The following NSUN2 variants were observed in gnomAD, a reference collection of about 807,000 sequenced individuals.
The protein encoded by NSUN2 is RNA cytosine C(5)-methyltransferase NSUN2.
A neutral mutation model predicts 92.7 loss-of-function variants in NSUN2; 63 were observed. The observed-to-expected ratio is 0.68, with a 90% CI of 0.56 to 0.84. The LOEUF is 0.84. NSUN2 is among the 40% of genes least tolerant of loss of function. The pLI is 0.00. For missense variants in NSUN2, 989 were observed against 964.9 expected (o/e 1.02, Z -0.33); for synonymous variants, 356 against 348.3 (o/e 1.02, Z -0.25).
Position 6,632,408 on chromosome 5 carries a change from A to G in NSUN2, c.254+191T>C, listed in dbSNP as rs1737955950. ...GATCTCATTTTCATTTCGTCTTCTA[A>G]CCTTGCGCCTGCAATACCTCCGTGA... On this transcript the variant is annotated intron_variant, in intron 2 of 18. Transcript: ENST00000264670. Among the ~76,000 whole-genome samples the G allele has an allele frequency of 2.0e-5, 3 of 152,100 alleles. No individual in the cohort carries two copies. The South Asian group carries it at 6.2e-4, about 32-fold the overall frequency.
chr5:6,606,756 T>C (rs1449091986), intron 14 of NSUN2, 64 bp downstream of exon 14: 3 of 907,722 alleles, frequency 3.3e-6, no homozygotes, highest in South Asian at 1.5e-5. Context: ...ATGTGATCAG[T>C]TGTACATTTG....
intron 4 of NSUN2, among the ~76,000 whole-genome samples, chr5:6,624,959 G>A (rs1243525222): frequency 6.6e-6 from 1 of 152,104 alleles, no homozygotes; most frequent in African/African-American, 2.4e-5. Flanking sequence ...AAGGTAAAAA[G>A]CTCAGCACCT....
At chr5:6,621,335 C>T (rs6897386) in intron 6 of NSUN2, 12,397 of 151,884 alleles carry the variant, frequency 0.082, 567 homozygotes, top group African/African-American at 0.12. Context: ...TCATGTAAGG[C>T]AGTAAGTAAT....
intron 3 of NSUN2, 98 bp from the exon 4 acceptor site, chr5:6,625,767 C>G (rs755628028): frequency 1.2e-4 from 93 of 782,748 alleles, no homozygotes; most frequent in Non-Finnish European, 2.0e-4. Flanking sequence ...AATGAGACTT[C>G]GAATGTTGTT....
At chr5:6,605,483 C>T in intron 14 of NSUN2, 75 bp from the exon 15 acceptor site, 1 of 1,499,372 alleles carries the variant, frequency 6.7e-7, no homozygotes, top group African/African-American at 1.4e-5. Flanking sequence ...ATCTTATTCT[C>T]CTCCTCCAGA....
At chr5:6,619,985 C>T in intron 7 of NSUN2, 121 bp downstream of exon 7, 1 of 807,206 alleles carries the variant, frequency 1.2e-6, no homozygotes, top group Non-Finnish European at 1.9e-6. Context: ...CTCACGCTAT[C>T]TTTCTCCGCA....
At chr5:6,613,908 C>T (rs1262593747) in intron 9 of NSUN2, among the ~76,000 whole-genome samples, 2 of 151,934 alleles carry the variant, frequency 1.3e-5, no homozygotes, top group South Asian at 2.1e-4. Context: ...ACCAGCCTGG[C>T]CAACATGGTG....
At chr5:6,613,265 A>T (rs1489286044) in intron 9 of NSUN2, among the ~76,000 whole-genome samples, 1 of 152,278 alleles carries the variant, frequency 6.6e-6, no homozygotes, top group Non-Finnish European at 1.5e-5. Context: ...TAAGATATAC[A>T]CAACACAATC....
chr5:6,620,301 G>A lies in NSUN2; in HGVS notation c.623-3C>T, dbSNP rs1579372506. Reference sequence around the variant, plus strand: ...ATCATTCGCAATAACAAATCCCTCTGAAGGCACAGAATTGCAGTGTCAGGT... The same window carrying A: ...ATCATTCGCAATAACAAATCCCTCTAAAGGCACAGAATTGCAGTGTCAGGT... On this transcript the variant is annotated splice_polypyrimidine_tract_variant and splice_region_variant and intron_variant, in intron 6 of 18. Transcript: ENST00000264670. 6.3e-7 allele frequency: 1 copy of A among 1,575,912 alleles called. No homozygotes were observed. Among genetic ancestry groups the A allele is most frequent in the Non-Finnish European group, 8.6e-7 (1 of 1,160,898 alleles).
intron 16 of NSUN2, 150 bp from the exon 17 acceptor site, chr5:6,604,426 C>T (rs866236839): frequency 1.2e-5 from 11 of 930,006 alleles, no homozygotes; most frequent in Non-Finnish European, 1.6e-5. Flanking sequence ...ACCCACCCCC[C>T]CCTAGGAGGG....
At chr5:6,628,791 C>T (rs920225037) in intron 3 of NSUN2, among the ~76,000 whole-genome samples, 2 of 152,154 alleles carry the variant, frequency 1.3e-5, no homozygotes, top group African/African-American at 4.8e-5. Context: ...GTCTGTAATC[C>T]CAGCACTTTG....
At chr5:6,602,166 G>A (rs1179249483) in intron 18 of NSUN2, among the ~76,000 whole-genome samples, 2 of 152,042 alleles carry the variant, frequency 1.3e-5, no homozygotes, top group African/African-American at 4.8e-5. Context: ...CACTTACTCT[G>A]TACAAGACAG....
chr5:6,607,012 G>T, intron 13 of NSUN2, 100 bp from the exon 14 acceptor site: 1 of 957,634 alleles, frequency 1.0e-6, no homozygotes, highest in Non-Finnish European at 1.6e-6. Context: ...GTGCAACATG[G>T]AACGGTTTGC....
chr5:6,628,474 G>T (rs940336113), intron 3 of NSUN2, among the ~76,000 whole-genome samples: 2 of 152,194 alleles, frequency 1.3e-5, no homozygotes, highest in East Asian at 3.8e-4. Context: ...TCTATGGAAA[G>T]TAAGAAAAAA....
In NSUN2 at chr5:6,610,970, A is replaced by G. The variant is rs1255312970; in HGVS notation, c.1211T>C (p.Met404Thr). 7 of 1,614,104 alleles carry G rather than the reference A, an allele frequency of 4.3e-6. No individual in the cohort carries two copies. Among genetic ancestry groups the G allele is most frequent in the Non-Finnish European group, 5.9e-6 (7 of 1,179,998 alleles). Residue 404 changes from methionine to threonine, a missense_variant, in exon 11 of 19, where the codon ATG becomes ACG. By Grantham distance (81) the Met-to-Thr change is moderately conservative. This residue lies in a region of NSUN2 where 626 missense variants were observed against 602.3 expected (regional missense o/e 1.04). Coordinates refer to ENST00000264670, the MANE Select transcript of NSUN2 (RefSeq NM_017755.6). ...ACCAGCTCACCATCGCTCCAGGTGC[A>G]TGGCCTGCAGCTTTTCTGGGTCCTT... ...PPKDPEKLQAMHLERCLRILP... is the reference protein window; with the variant it reads ...PPKDPEKLQATHLERCLRILP...
chr5:6,606,353 G>A (rs998068435), intron 14 of NSUN2, among the ~76,000 whole-genome samples: 5 of 152,002 alleles, frequency 3.3e-5, no homozygotes, highest in South Asian at 2.1e-4. Flanking sequence ...GCGCGATCTC[G>A]GCTCACTGCA....
At chr5:6,605,497 C>A in intron 14 of NSUN2, 89 bp from the exon 15 acceptor site, 1 of 1,432,242 alleles carries the variant, frequency 7.0e-7, no homozygotes, top group Non-Finnish European at 9.7e-7. Context: ...CTCCAGAATT[C>A]AATCCCCAAA....
intron 7 of NSUN2, among the ~76,000 whole-genome samples, chr5:6,618,639 A>ATAATAGCTAAATTTTTCTTAC (rs1214349721): frequency 6.6e-6 from 1 of 152,218 alleles, no homozygotes; most frequent in African/African-American, 2.4e-5. Flanking sequence ...TTAAGCTAAT[A>ATAATAGCTAAATTTTTCTTAC]TAATAGCTAA....
At chr5:6,606,428 T>C (rs1579357075) in intron 14 of NSUN2, among the ~76,000 whole-genome samples, 1 of 152,036 alleles carries the variant, frequency 6.6e-6, no homozygotes, top group Non-Finnish European at 1.5e-5. Context: ...GGACTACAGG[T>C]GCCCGCCACC....
Sources: gnomAD v4.1 joint callset for allele counts (sites outside exome capture counted in the v4.1 genomes callset) on GRCh38, gnomAD v4.1.1 for gene constraint, gnomAD v4.1.1 regional missense constraint, MANE v1.5 for transcripts, NCBI Gene and HGNC (gene_info 2026-07-23, HGNC 2026-07-21) for gene names.